Variants in PPID observed in about 807,000 individuals in gnomAD.
The protein encoded by PPID is peptidyl-prolyl cis-trans isomerase D.
In PPID, 47 loss-of-function variants were observed where a neutral mutation model predicts 48.1. That is an observed-to-expected ratio of 0.98 (90% CI 0.77 to 1.25). PPID has a LOEUF of 1.25. PPID is among the 50% of genes most tolerant of loss of function. The probability of loss-of-function intolerance (pLI) is 0.00; values close to 1 mark genes in which losing one functional copy is unlikely to be tolerated. For missense variants in PPID, 429 were observed against 443.5 expected, an observed-to-expected ratio of 0.97 and a Z score of 0.29; for synonymous variants, 163 against 148.8, an observed-to-expected ratio of 1.10 and a Z score of -0.69.
In PPID at chr4:158,718,465, G is replaced by A. The variant is rs1412512122; in HGVS notation, c.333+715C>T. ...TTTATTTATATACTATTATTCTCCAGTAGTCCCATGTATCTTAATCTTGTC... is the reference window on the plus strand; with the variant it reads ...TTTATTTATATACTATTATTCTCCAATAGTCCCATGTATCTTAATCTTGTC... On this transcript the variant is annotated intron_variant, in intron 3 of 9. Coordinates refer to ENST00000307720, the MANE Select transcript of PPID (RefSeq NM_005038.3). 2.0e-5 allele frequency among the ~76,000 whole-genome samples: 3 copies of A among 152,216 alleles called. No homozygotes were observed. In the East Asian group the frequency reaches 5.8e-4, roughly 29 times the overall value.
In PPID at chr4:158,715,291, T is replaced by C; in HGVS notation, c.752+6A>G. On this transcript the variant is annotated splice_donor_region_variant and intron_variant, in intron 6 of 9. Transcript: ENST00000307720. ...CTTAAAAATAATTTGTTAGAAATAATATTACCTTAAAACTTCTGCATATTT... is the reference window on the plus strand; with the variant it reads ...CTTAAAAATAATTTGTTAGAAATAACATTACCTTAAAACTTCTGCATATTT... 6.9e-7 allele frequency: 1 copy of C among 1,439,696 alleles called. No homozygotes were observed. Among genetic ancestry groups the C allele is most frequent in the Non-Finnish European group, 9.2e-7 (1 of 1,082,278 alleles). The allele number at this position is 1,439,696 out of a possible 1,614,324, so 89.2% of individuals were successfully genotyped here. A position where few individuals can be genotyped will look rare whatever the true frequency, so the allele number is the denominator to read the frequency against.
chr4:158,723,095 C>T, intron 1 of PPID, 109 bp downstream of exon 1: 2 of 1,150,830 alleles, frequency 1.7e-6, no homozygotes, highest in South Asian at 1.3e-5. Flanking sequence ...ATCCCCTCCG[C>T]GAAACTGAGC....
chr4:158,718,131 T>A (rs1262204928), intron 3 of PPID, among the ~76,000 whole-genome samples: 1 of 152,248 alleles, frequency 6.6e-6, no homozygotes, highest in Non-Finnish European at 1.5e-5. Context: ...CACATCACCT[T>A]TAGTTTTCAT....
intron 6 of PPID, 135 bp from the exon 7 acceptor site, chr4:158,713,395 T>G: frequency 1.0e-6 from 1 of 985,328 alleles, no homozygotes; most frequent in Non-Finnish European, 1.4e-6. Context: ...ATGATCACAC[T>G]TTTTAAAATT....
chr4:158,714,919 T>G (rs1774845383), intron 6 of PPID, among the ~76,000 whole-genome samples: 1 of 152,226 alleles, frequency 6.6e-6, no homozygotes. Context: ...TCTATCAATA[T>G]TACTTTGGGG....
In PPID at chr4:158,721,504, G is replaced by A. The variant is rs746024673; in HGVS notation, c.86-21C>T. 4.3e-5 allele frequency: 69 copies of A among 1,609,870 alleles called. 2 individuals carry two copies. The South Asian group carries it at 7.3e-4, about 17-fold the overall frequency. On this transcript the variant is annotated intron_variant, in intron 1 of 9. Coordinates refer to ENST00000307720, the MANE Select transcript of PPID (RefSeq NM_005038.3). ...ACCAACTAAAAGAAAAGAAAATCTT[G>A]TCAGTATGCAAAACAACCAAATAGA...
At chr4:158,714,157 T>A (rs560658475) in intron 6 of PPID, among the ~76,000 whole-genome samples, 10 of 152,188 alleles carry the variant, frequency 6.6e-5, no homozygotes, top group African/African-American at 9.7e-5. Context: ...TATAACAGAT[T>A]CAGGCATGGA....
chr4:158,718,648 T>C lies in PPID; in HGVS notation c.333+532A>G, dbSNP rs1291487047. Among the ~76,000 whole-genome samples, 6 of 152,214 alleles carry C rather than the reference T, an allele frequency of 3.9e-5. 1 individual carries two copies. The East Asian group carries it at 1.2e-3, about 29-fold the overall frequency. On this transcript the variant is annotated intron_variant, in intron 3 of 9. Coordinates refer to ENST00000307720, the MANE Select transcript of PPID (RefSeq NM_005038.3). The stretch of plus-strand genomic sequence containing the variant: ...TGCTCATATTCCTTATTTCCAAAAA[T>C]ATCACTTTACTTTTGTACTTACATG...
At position 158,715,282 on chromosome 4, in the gene PPID, T is replaced by C. The variant is rs192221209; in HGVS notation, c.752+15A>G. On this transcript the variant is annotated intron_variant, in intron 6 of 9. Transcript: ENST00000307720. ...TTATAATTTCTTAAAAATAATTTGTTAGAAATAATATTACCTTAAAACTTC... is the reference window on the plus strand; with the variant it reads ...TTATAATTTCTTAAAAATAATTTGTCAGAAATAATATTACCTTAAAACTTC... The C allele has an allele frequency of 4.9e-5, 69 of 1,394,700 alleles. No homozygotes were observed. In the Admixed American group the frequency reaches 6.6e-4, roughly 13 times the overall value. The allele number at this position is 1,394,700 out of a possible 1,614,324, so 86.4% of individuals were successfully genotyped here.
At chr4:158,712,705 C>T (rs909031870) in intron 7 of PPID, among the ~76,000 whole-genome samples, 2 of 151,774 alleles carry the variant, frequency 1.3e-5, no homozygotes, top group African/African-American at 4.8e-5. Flanking sequence ...TGCAGTAAGC[C>T]GAGATTGCGC....
chr4:158,721,784 A>G (rs1774964769), intron 1 of PPID, among the ~76,000 whole-genome samples: 1 of 152,230 alleles, frequency 6.6e-6, no homozygotes, highest in Admixed American at 6.5e-5. Flanking sequence ...TCAACTTTTT[A>G]GAAACCACAT....
In PPID at chr4:158,709,612, G is replaced by T; in HGVS notation, c.*124C>A. 3.0e-6 allele frequency: 2 copies of T among 670,332 alleles called. No individual in the cohort carries two copies. The highest frequency in any genetic ancestry group is 2.0e-5 in the South Asian group (1 of 50,520). The allele number at this position is 670,332 out of a possible 1,614,324, so 41.5% of individuals were successfully genotyped here. The stretch of plus-strand genomic sequence containing the variant: ...GAACCCCTATCAGTACTCCTAAACT[G>T]TAAACAGTAAGGAACTAAGGTGTCA... On this transcript the variant is annotated 3_prime_UTR_variant, in exon 10 of 10. Transcript: ENST00000307720.
chr4:158,716,324 G>A (rs573478488), intron 4 of PPID, among the ~76,000 whole-genome samples: 20 of 152,120 alleles, frequency 1.3e-4, no homozygotes, highest in African/African-American at 4.1e-4. Flanking sequence ...GAGAAAACAC[G>A]TGTGGAAAAG....
chr4:158,720,179 C>T (rs1774934635), intron 2 of PPID, among the ~76,000 whole-genome samples: 1 of 152,142 alleles, frequency 6.6e-6, no homozygotes, highest in Admixed American at 6.5e-5. Flanking sequence ...AGTAAATCAC[C>T]ATTACTATTT....
intron 7 of PPID, among the ~76,000 whole-genome samples, chr4:158,711,229 G>GT (rs1774785663): frequency 6.6e-6 from 1 of 151,814 alleles, no homozygotes; most frequent in Non-Finnish European, 1.5e-5. Context: ...TTAAGTTTTT[G>GT]TTTTTTGTTT....
chr4:158,718,964 A>G (rs192857271), intron 3 of PPID, among the ~76,000 whole-genome samples: 3 of 152,378 alleles, frequency 2.0e-5, no homozygotes, highest in East Asian at 3.9e-4. Flanking sequence ...ACTGAAGCAT[A>G]TAAAAACTGG....
chr4:158,722,003 T>C (rs1299477730), intron 1 of PPID, among the ~76,000 whole-genome samples: 1 of 152,252 alleles, frequency 6.6e-6, no homozygotes, highest in Non-Finnish European at 1.5e-5. Flanking sequence ...CTATCATGAA[T>C]AATGCTGCAA....
chr4:158,720,628 C>T (rs1369991983), intron 2 of PPID, among the ~76,000 whole-genome samples: 1 of 152,230 alleles, frequency 6.6e-6, no homozygotes, highest in African/African-American at 2.4e-5. Flanking sequence ...CACACTATCA[C>T]CCATGTGCCC....
rs771556640 is a variant in PPID, at chr4:158,719,185, A to G, written c.328T>C (p.Tyr110His). The G allele has an allele frequency of 1.9e-6, 3 of 1,571,272 alleles. No individual in the cohort carries two copies. The highest frequency in any genetic ancestry group is 2.2e-5 in the East Asian group (1 of 44,622). Residue 110 changes from tyrosine (Y) to histidine (H), a missense_variant, in exon 3 of 10, where the codon TAC becomes CAC. Coordinates refer to ENST00000307720, the MANE Select transcript of PPID (RefSeq NM_005038.3). ...GEKFEDENFH[Y>H]KHDREGLLSM... ...ATGCATTTTCTCTACTTTACCTTGT[A>G]ATGGAAATTTTCATCTTCAAATTTT... is the stretch of plus-strand genomic sequence containing the variant.
Sources: gnomAD v4.1 joint callset for allele counts (sites outside exome capture counted in the v4.1 genomes callset) on GRCh38, gnomAD v4.1.1 for gene constraint, MANE v1.5 for transcripts, NCBI Gene and HGNC (gene_info 2026-07-23, HGNC 2026-07-21) for gene names.